ATP10D: variants seen among roughly 807,000 people sequenced by gnomAD.
ATP10D encodes ATPase phospholipid transporting 10D (putative), also known as phospholipid-transporting ATPase VD.
In ATP10D, 89 loss-of-function variants were observed where a neutral mutation model predicts 144.8. That is an observed-to-expected ratio of 0.61 (90% confidence interval 0.52 to 0.73). ATP10D has a LOEUF of 0.73. Among genes scored for constraint, ATP10D ranks in the 30% least tolerant of loss-of-function variants. The pLI, the probability that ATP10D is intolerant of heterozygous loss-of-function variation, is 0.00. For synonymous variants in ATP10D, 571 were observed against 615.1 expected (o/e 0.93, Z 1.06); for missense variants, 1,603 against 1,714.8 (o/e 0.93, Z 1.15).
chr4:47,545,461 A>G (rs1031659522), intron 9 of ATP10D, among the ~76,000 whole-genome samples: 6 of 152,240 alleles, frequency 3.9e-5, no homozygotes, highest in African/African-American at 1.4e-4. Flanking sequence ...GAGACCAGTT[A>G]TGAGACTATT....
intron 3 of ATP10D, among the ~76,000 whole-genome samples, chr4:47,516,904 A>C (rs1716717837): frequency 6.6e-6 from 1 of 152,198 alleles, no homozygotes; most frequent in Admixed American, 6.5e-5. Context: ...TAATTTAGTA[A>C]CATTTGAATG....
At chr4:47,499,301 T>A (rs1215394914) in intron 1 of ATP10D, among the ~76,000 whole-genome samples, 8 of 152,214 alleles carry the variant, frequency 5.3e-5, no homozygotes, top group Non-Finnish European at 7.3e-5. Flanking sequence ...TGGTTGGCAA[T>A]GGTAGCCTTT....
intron 15 of ATP10D, 90 bp downstream of exon 15, chr4:47,563,855 A>G: frequency 8.8e-7 from 1 of 1,134,956 alleles, no homozygotes; most frequent in South Asian, 2.1e-5. Flanking sequence ...TAAAAAAAAA[A>G]CAAAACAGCA....
Position 47,557,896 on chromosome 4 carries a change from C to G in ATP10D, c.2057C>G (p.Ser686Cys). The G allele has an allele frequency of 6.2e-7, 1 of 1,614,182 alleles. No individual in the cohort carries two copies. The highest frequency in any genetic ancestry group is 1.1e-5 in the South Asian group (1 of 91,074). Residue 686 changes from serine to cysteine, a missense_variant, in exon 12 of 23, where the codon TCC (serine) becomes TGC (cysteine). By Grantham distance (112) the Ser-to-Cys change is moderately radical. Transcript: ENST00000273859. ...CAGGTGTGTGAGAGCCCCCAGTGCT[C>G]CAGTAGCTCAGCTTGCTGCACAGAA... is the stretch of plus-strand genomic sequence containing the variant. Reference protein sequence around the residue: ...VSQVCESPQCSSSSACCTETE... With the variant: ...VSQVCESPQCCSSSACCTETE...
intron 10 of ATP10D, 176 bp downstream of exon 10, chr4:47,547,038 CT>C (rs1718478524): frequency 3.2e-6 from 2 of 615,968 alleles, no homozygotes; most frequent in African/African-American, 1.8e-5. Context: ...CAATATCACA[CT>C]AGTCTACTTT....
chr4:47,520,571 G>A (rs1458749029), intron 3 of ATP10D, among the ~76,000 whole-genome samples: 1 of 151,656 alleles, frequency 6.6e-6, no homozygotes, highest in Admixed American at 6.6e-5. Context: ...TTTTTGTTTT[G>A]TTTTGTTTTT....
At chr4:47,567,446 A>G (rs2109458911) in intron 15 of ATP10D, among the ~76,000 whole-genome samples, 1 of 152,346 alleles carries the variant, frequency 6.6e-6, no homozygotes, top group South Asian at 2.1e-4. Context: ...CACAGACTGT[A>G]TTCTGTATAC....
intron 1 of ATP10D, among the ~76,000 whole-genome samples, chr4:47,498,598 A>C (rs368561654): frequency 1.3e-5 from 2 of 152,216 alleles, no homozygotes; most frequent in African/African-American, 4.8e-5. Flanking sequence ...CTTATTATAC[A>C]TTGATTGTCC....
intron 17 of ATP10D, among the ~76,000 whole-genome samples, 153 bp from the exon 18 acceptor site, chr4:47,572,719 A>G (rs1014075781): frequency 3.1e-4 from 47 of 151,850 alleles, no homozygotes; most frequent in Non-Finnish European, 1.0e-4. Flanking sequence ...ATAAAAGCTC[A>G]TAATCCAAAA....
Position 47,535,916 on chromosome 4 carries a change from G to A in ATP10D, c.898G>A (p.Ala300Thr). Reference protein sequence around the residue: ...IVVYAGHETKAMLNNSGPRYK... With the variant: ...IVVYAGHETKTMLNNSGPRYK... ...ATCCTTCATAGGCCATGAAACCAAA[G>A]CAATGCTGAACAACAGTGGGCCACG... The change falls in exon 7 of 23, where the codon GCA (alanine) becomes ACA (threonine). Residue 300 changes from alanine to threonine, a missense_variant. Physicochemically the swap from Ala to Thr is moderately conservative, Grantham distance 58 (BLOSUM62 0). Coordinates refer to ENST00000273859, the MANE Select transcript of ATP10D (RefSeq NM_020453.4). 1 of 1,612,344 alleles carries A rather than the reference G, an allele frequency of 6.2e-7. No individual in the cohort carries two copies. The highest frequency in any genetic ancestry group is 8.5e-7 in the Non-Finnish European group (1 of 1,179,122).
intron 1 of ATP10D, among the ~76,000 whole-genome samples, chr4:47,497,378 C>T (rs991793029): frequency 4.6e-5 from 7 of 152,156 alleles, no homozygotes; most frequent in Non-Finnish European, 8.8e-5. Context: ...TCGCTTGAAC[C>T]GGGGAGACCG....
In ATP10D at chr4:47,591,511, A is replaced by G. The variant is rs769779494; in HGVS notation, c.*130A>G. ...CATTTTACTAGGCTTGGAAGAGCTG[A>G]CATGATGAGCATTATTGTATGTTTG... On this transcript the variant is annotated 3_prime_UTR_variant, in exon 23 of 23. Transcript: ENST00000273859. 11 of 711,192 alleles carry G rather than the reference A, an allele frequency of 1.5e-5. No homozygotes were observed. The highest frequency in any genetic ancestry group is 2.5e-5 in the Non-Finnish European group (11 of 437,846). 44.1% of individuals were successfully genotyped at this position (711,192 alleles called of 1,614,324 possible). A position where few individuals can be genotyped will look rare whatever the true frequency, so the allele number is the denominator to read the frequency against.
chr4:47,585,821 G>T (rs187770404), intron 21 of ATP10D, among the ~76,000 whole-genome samples: 11 of 152,242 alleles, frequency 7.2e-5, no homozygotes, highest in African/African-American at 2.4e-4. Flanking sequence ...GTAAGTGATA[G>T]AATCTCATTC....
At chr4:47,525,162 A>G (rs1431935267) in intron 4 of ATP10D, among the ~76,000 whole-genome samples, 1 of 152,220 alleles carries the variant, frequency 6.6e-6, no homozygotes, top group African/African-American at 2.4e-5. Context: ...TCAAATGCAT[A>G]TATTCTCGGA....
chr4:47,582,463 T>C (rs1720565652), intron 21 of ATP10D, among the ~76,000 whole-genome samples: 2 of 152,220 alleles, frequency 1.3e-5, no homozygotes, highest in Non-Finnish European at 2.9e-5. Context: ...AAAATCTTTT[T>C]TGGCTCTCCT....
In ATP10D at chr4:47,507,577, C is replaced by T. The variant is rs530070339; in HGVS notation, c.-37-4927C>T. ...ACTCCTACTTCTAATGGCAGAAAAG[C>T]CAGATTGAGCCATGCAAAAGGAAAT... On this transcript the variant is annotated intron_variant, in intron 1 of 22. Coordinates refer to ENST00000273859, the MANE Select transcript of ATP10D (RefSeq NM_020453.4). Among the ~76,000 whole-genome samples the T allele has an allele frequency of 4.6e-5, 7 of 152,268 alleles. No homozygotes were observed. In the East Asian group the frequency reaches 1.3e-3, roughly 29 times the overall value.
chr4:47,516,905 C>T (rs190683302), intron 3 of ATP10D, among the ~76,000 whole-genome samples: 4 of 152,220 alleles, frequency 2.6e-5, no homozygotes, highest in Admixed American at 2.6e-4. Context: ...AATTTAGTAA[C>T]ATTTGAATGC....
intron 10 of ATP10D, among the ~76,000 whole-genome samples, chr4:47,550,102 A>G (rs1718657495): frequency 6.6e-6 from 1 of 152,110 alleles, no homozygotes; most frequent in South Asian, 2.1e-4. Context: ...CAGCAATGAA[A>G]TGAAAAACCT....
At chr4:47,505,477 AC>A (rs1715969859) in intron 1 of ATP10D, among the ~76,000 whole-genome samples, 2 of 152,070 alleles carry the variant, frequency 1.3e-5, no homozygotes, top group Admixed American at 1.3e-4. Flanking sequence ...TAATCCTAGC[AC>A]TTTGGGAGGC....
Sources: gnomAD v4.1 joint callset for allele counts (sites outside exome capture counted in the v4.1 genomes callset) on GRCh38, gnomAD v4.1.1 for gene constraint, MANE v1.5 for transcripts, NCBI Gene and HGNC (gene_info 2026-07-23, HGNC 2026-07-21) for gene names.